MAGI3: variants seen among roughly 807,000 people sequenced by gnomAD.
The protein encoded by MAGI3 is membrane associated guanylate kinase, WW and PDZ domain containing 3.
In MAGI3, 43 loss-of-function variants were observed where a neutral mutation model predicts 121.8. That is an observed-to-expected ratio of 0.35 (90% CI 0.28 to 0.46). MAGI3 has a LOEUF of 0.46. Ranked by LOEUF, MAGI3 falls within the 20% of genes least tolerant of loss-of-function variation. The pLI is 1.00. For missense variants in MAGI3, 1,547 were observed against 1,797.3 expected, an observed-to-expected ratio of 0.86 and a Z score of 2.52; for synonymous variants, 553 against 639.3, an observed-to-expected ratio of 0.86 and a Z score of 2.04.
Position 113,614,629 on chromosome 1 carries a change from G to A in MAGI3, c.1047G>A (p.Glu349=), listed in dbSNP as rs1650348731. The change falls in exon 7 of 21, where the codon GAG becomes GAA. Residue 349 remains glutamate, a synonymous_variant. Transcript: ENST00000307546. Reference sequence around the variant, plus strand: ...TTCCTTATGGCTGGGAGAAAATAGAGGACCCTCAGTATGGGACATACTATG... The same window carrying A: ...TTCCTTATGGCTGGGAGAAAATAGAAGACCCTCAGTATGGGACATACTATG... The part of the protein sequence containing the change: ...GELPYGWEKI[E]DPQYGTYYVD... 1 of 1,608,988 alleles carries A rather than the reference G, an allele frequency of 6.2e-7. No individual in the cohort carries two copies. Among genetic ancestry groups the A allele is most frequent in the Non-Finnish European group, 8.5e-7 (1 of 1,177,206 alleles).
chr1:113,401,194 C>T (rs1651381009), intron 1 of MAGI3, among the ~76,000 whole-genome samples: 1 of 152,042 alleles, frequency 6.6e-6, no homozygotes, highest in Admixed American at 6.6e-5. Context: ...ACTGACACAG[C>T]GTTGAGTCTT....
At chr1:113,414,103 G>T (rs547130863) in intron 1 of MAGI3, among the ~76,000 whole-genome samples, 1 of 152,194 alleles carries the variant, frequency 6.6e-6, no homozygotes, top group East Asian at 1.9e-4. Flanking sequence ...GTTGAATTTT[G>T]TCAAAGGCCT....
chr1:113,520,494 A>G (rs940173338), intron 1 of MAGI3, among the ~76,000 whole-genome samples: 3 of 152,208 alleles, frequency 2.0e-5, no homozygotes, highest in African/African-American at 7.2e-5. Context: ...TTTTAAAATA[A>G]GCTTACTTAT....
chr1:113,623,379 G>T (rs915791955), intron 9 of MAGI3, among the ~76,000 whole-genome samples: 3 of 147,904 alleles, frequency 2.0e-5, no homozygotes, highest in South Asian at 2.1e-4. Context: ...CAAAAACTAG[G>T]TCTTATTCAT....
intron 6 of MAGI3, among the ~76,000 whole-genome samples, chr1:113,598,985 A>C (rs1219387636): frequency 6.6e-6 from 1 of 152,158 alleles, no homozygotes; most frequent in East Asian, 1.9e-4. Context: ...TAGTGCTATA[A>C]ATTTCCCTCT....
intron 1 of MAGI3, among the ~76,000 whole-genome samples, chr1:113,447,571 C>T (rs749783502): frequency 2.0e-5 from 3 of 152,032 alleles, no homozygotes; most frequent in East Asian, 1.9e-4. Flanking sequence ...AAAAATTGTG[C>T]GGCTGGGAGC....
chr1:113,592,901 A>G (rs1489370276), intron 5 of MAGI3, among the ~76,000 whole-genome samples: 1 of 151,942 alleles, frequency 6.6e-6, no homozygotes, highest in Non-Finnish European at 1.5e-5. Flanking sequence ...AGTCCCAGCT[A>G]CTCGGGAGGC....
chr1:113,677,404 G>A (rs1440896641), intron 19 of MAGI3, among the ~76,000 whole-genome samples: 1 of 152,212 alleles, frequency 6.6e-6, no homozygotes, highest in Admixed American at 6.5e-5. Flanking sequence ...TTAGTCACTT[G>A]CAGAGATCAC....
intron 1 of MAGI3, among the ~76,000 whole-genome samples, chr1:113,417,336 C>A (rs1171924539): frequency 6.6e-6 from 1 of 152,122 alleles, no homozygotes; most frequent in Non-Finnish European, 1.5e-5. Flanking sequence ...CAGTTTTAAA[C>A]AATCAAATTA....
At chr1:113,398,642 T>C (rs577453991) in intron 1 of MAGI3, among the ~76,000 whole-genome samples, 1 of 152,264 alleles carries the variant, frequency 6.6e-6, no homozygotes, top group South Asian at 2.1e-4. Flanking sequence ...AATGGGATTT[T>C]ACTATACATA....
chr1:113,502,980 A>G (rs1657090603), intron 1 of MAGI3, among the ~76,000 whole-genome samples: 1 of 45,078 alleles, frequency 2.2e-5, no homozygotes, highest in Non-Finnish European at 3.6e-5. Flanking sequence ...AAAAAACCAA[A>G]CACCGCATAT....
intron 19 of MAGI3, among the ~76,000 whole-genome samples, chr1:113,675,556 C>T (rs1647818126): frequency 6.6e-6 from 1 of 152,036 alleles, no homozygotes; most frequent in Non-Finnish European, 1.5e-5. Context: ...TGGTAGAAGC[C>T]CAGATTGCGA....
chr1:113,642,855 TA>T (rs529583296), intron 10 of MAGI3, among the ~76,000 whole-genome samples: 12 of 152,354 alleles, frequency 7.9e-5, no homozygotes, highest in Admixed American at 7.8e-4. Context: ...TTGATGACAG[TA>T]ATAGAAATTG....
intron 19 of MAGI3, among the ~76,000 whole-genome samples, chr1:113,680,958 G>C (rs548690819): frequency 6.6e-6 from 1 of 152,200 alleles, no homozygotes; most frequent in East Asian, 1.9e-4. Flanking sequence ...ATCTTAGTTA[G>C]TAGCCATATA....
In MAGI3 at chr1:113,599,511, A is replaced by G. The variant is rs1649234531; in HGVS notation, c.1018+4951A>G. On this transcript the variant is annotated intron_variant, in intron 6 of 20. Transcript: ENST00000307546. ...TCCTCGACACATACACCCTCCCAAG[A>G]CTAAACCAGGAAGAAGTTGAATCTC... Among the ~76,000 whole-genome samples, 3 of 152,330 alleles carry G rather than the reference A, an allele frequency of 2.0e-5. No homozygotes were observed. In the South Asian group the frequency reaches 6.2e-4, roughly 32 times the overall value.
At chr1:113,534,106 C>T (rs1013180000) in intron 1 of MAGI3, among the ~76,000 whole-genome samples, 3 of 152,194 alleles carry the variant, frequency 2.0e-5, no homozygotes, top group Non-Finnish European at 4.4e-5. Flanking sequence ...CTTGACTCTG[C>T]CTCCTATTTC....
chr1:113,602,876 C>T lies in MAGI3; in HGVS notation c.1018+8316C>T, dbSNP rs180987439. Among the ~76,000 whole-genome samples the T allele has an allele frequency of 2.9e-4, 44 of 151,944 alleles. 1 individual carries two copies. The highest frequency in any genetic ancestry group is 9.6e-4 in the African/African-American group (40 of 41,456). ...GGAGGAGGCAGAGGTTGCAGTTAGA[C>T]GAGACTGTCCCACTGCACTCCAGTC... On this transcript the variant is annotated intron_variant, in intron 6 of 20. Coordinates refer to ENST00000307546, the MANE Select transcript of MAGI3 (RefSeq NM_001142782.2).
At chr1:113,643,871 G>T (rs1652688155) in intron 11 of MAGI3, 97 bp downstream of exon 11, 4 of 1,288,728 alleles carry the variant, frequency 3.1e-6, no homozygotes, top group South Asian at 1.3e-5. Flanking sequence ...GATGATTATC[G>T]ACTGGGAGAA....
At chr1:113,623,590 C>T (rs1229410110) in intron 9 of MAGI3, among the ~76,000 whole-genome samples, 5 of 151,862 alleles carry the variant, frequency 3.3e-5, no homozygotes, top group African/African-American at 1.2e-4. Flanking sequence ...CGGGTTCACG[C>T]CATTCTCCTG....
Sources: gnomAD v4.1 joint callset for allele counts (sites outside exome capture counted in the v4.1 genomes callset) on GRCh38, gnomAD v4.1.1 for gene constraint, MANE v1.5 for transcripts, NCBI Gene and HGNC (gene_info 2026-07-23, HGNC 2026-07-21) for gene names.